BCAS1: variants seen among roughly 807,000 people sequenced by gnomAD.
The protein encoded by BCAS1 is breast carcinoma-amplified sequence 1.
In BCAS1, 46 loss-of-function variants were observed where a neutral mutation model predicts 65.4. That is an observed-to-expected ratio of 0.70 (90% CI 0.55 to 0.90). BCAS1 has a LOEUF of 0.90. Ranked by LOEUF, BCAS1 falls within the 40% of genes least tolerant of loss-of-function variation. The pLI is 0.00. For missense variants in BCAS1, 793 were observed against 771.2 expected (o/e 1.03, Z -0.33); for synonymous variants, 298 against 293.5 (o/e 1.02, Z -0.16).
intron 8 of BCAS1, 45 bp downstream of exon 8, chr20:53,985,242 C>A: frequency 6.3e-7 from 1 of 1,577,112 alleles, no homozygotes; most frequent in South Asian, 1.1e-5. Flanking sequence ...GTTCTGGAGT[C>A]ATCCCCGCCC....
chr20:53,989,376 T>C (rs1448660387), intron 7 of BCAS1, among the ~76,000 whole-genome samples: 1 of 152,242 alleles, frequency 6.6e-6, no homozygotes, highest in Non-Finnish European at 1.5e-5. Flanking sequence ...TAGTTGTTTG[T>C]TGAATATGTA....
At chr20:53,962,486 G>A (rs2089908296) in intron 10 of BCAS1, among the ~76,000 whole-genome samples, 1 of 152,170 alleles carries the variant, frequency 6.6e-6, no homozygotes, top group South Asian at 2.1e-4. Flanking sequence ...TCAAGTGTAA[G>A]GTGTTATTAA....
chr20:53,962,174 G>A (rs914630046), intron 10 of BCAS1, among the ~76,000 whole-genome samples: 1 of 152,024 alleles, frequency 6.6e-6, no homozygotes, highest in Non-Finnish European at 1.5e-5. Flanking sequence ...GAAGACTTTC[G>A]GTTTTCTGTT....
intron 10 of BCAS1, among the ~76,000 whole-genome samples, chr20:53,964,905 G>T (rs1339446289): frequency 6.9e-6 from 1 of 145,902 alleles, no homozygotes; most frequent in African/African-American, 2.5e-5. Context: ...TCTATTTACT[G>T]TTTTTTTTTT....
intron 4 of BCAS1, among the ~76,000 whole-genome samples, chr20:54,017,833 C>T (rs2091471741): frequency 6.6e-6 from 1 of 152,154 alleles, no homozygotes; most frequent in South Asian, 2.1e-4. Flanking sequence ...CAAGCACAAC[C>T]TTCCAGACTG....
chr20:53,945,177 A>C (rs1228720127), intron 12 of BCAS1, among the ~76,000 whole-genome samples, 181 bp from the exon 13 acceptor site: 1 of 152,198 alleles, frequency 6.6e-6, no homozygotes, highest in Non-Finnish European at 1.5e-5. Context: ...ACCCAGTTAC[A>C]TGACTTTCTA....
intron 9 of BCAS1, among the ~76,000 whole-genome samples, chr20:53,970,205 C>T (rs1323341132): frequency 1.3e-5 from 2 of 152,176 alleles, no homozygotes; most frequent in South Asian, 4.1e-4. Context: ...CTTGCTGAGC[C>T]TTTCCAAATG....
intron 3 of BCAS1, among the ~76,000 whole-genome samples, chr20:54,053,691 C>T (rs111292233): frequency 6.6e-5 from 10 of 152,260 alleles, no homozygotes; most frequent in African/African-American, 2.4e-4. Context: ...TTATTTAAAC[C>T]GTACAATAAC....
At chr20:54,032,947 C>G (rs1172921364) in intron 3 of BCAS1, among the ~76,000 whole-genome samples, 1 of 151,006 alleles carries the variant, frequency 6.6e-6, no homozygotes, top group Non-Finnish European at 1.5e-5. Flanking sequence ...TATTCAAGAT[C>G]TAACTCAGCA....
intron 10 of BCAS1, among the ~76,000 whole-genome samples, chr20:53,966,504 T>C (rs1332404139): frequency 1.3e-5 from 2 of 152,070 alleles, no homozygotes; most frequent in Non-Finnish European, 2.9e-5. Context: ...GGGTGAGGGA[T>C]AAAAGACTGC....
At chr20:53,996,223 C>G (rs901054188) in intron 4 of BCAS1, among the ~76,000 whole-genome samples, 173 bp from the exon 5 acceptor site, 5 of 152,160 alleles carry the variant, frequency 3.3e-5, no homozygotes, top group African/African-American at 4.8e-5. Flanking sequence ...TTCCCTCCCC[C>G]TCTTTCTAAC....
At chr20:53,973,585 T>C (rs2090240993) in intron 9 of BCAS1, among the ~76,000 whole-genome samples, 1 of 152,236 alleles carries the variant, frequency 6.6e-6, no homozygotes, top group Admixed American at 6.5e-5. Flanking sequence ...AAAAAGTTTT[T>C]CTTTAGAAAA....
chr20:53,954,334 AGG>A (rs1491299200), intron 11 of BCAS1, among the ~76,000 whole-genome samples: 5 of 139,870 alleles, frequency 3.6e-5, no homozygotes, highest in African/African-American at 1.1e-4. Flanking sequence ...AGAGAGAGAG[AGG>A]GACCAGGCAT....
intron 12 of BCAS1, among the ~76,000 whole-genome samples, chr20:53,953,103 A>G (rs79158080): frequency 6.6e-6 from 1 of 152,232 alleles, no homozygotes; most frequent in Non-Finnish European, 1.5e-5. Flanking sequence ...TTACTTCTAC[A>G]TGCTGATTGC....
intron 10 of BCAS1, among the ~76,000 whole-genome samples, chr20:53,962,277 T>A (rs749320759): frequency 6.6e-6 from 1 of 152,206 alleles, no homozygotes; most frequent in Non-Finnish European, 1.5e-5. Flanking sequence ...GTAATTAATT[T>A]AAAAAACCCT....
At chr20:54,067,809 A>G (rs1370248111) in intron 1 of BCAS1, among the ~76,000 whole-genome samples, 2 of 152,252 alleles carry the variant, frequency 1.3e-5, no homozygotes, top group African/African-American at 4.8e-5. Flanking sequence ...ATTAGTCACC[A>G]AGTAAACAAG....
chr20:54,068,347 C>T (rs2092470379), intron 1 of BCAS1: 1 of 154,360 alleles, frequency 6.5e-6, no homozygotes, highest in Non-Finnish European at 1.5e-5. Flanking sequence ...GCATGATAAT[C>T]GCAGGTAATT....
Position 53,953,648 on chromosome 20 carries a change from T to C in BCAS1, c.1599A>G (p.Pro533=). Residue 533 remains proline, a synonymous_variant, in exon 12 of 13, where the codon CCA becomes CCG. Coordinates refer to ENST00000688948, the MANE Select transcript of BCAS1 (RefSeq NM_001366298.2). The part of the protein sequence containing the change: ...EKTITPPEPE[P]TGAPQKGKEG... ...CTTTACCCTTCTGTGGTGCTCCTGT[T>C]GGTTCAGGCTCTGGCGGTGTGATAG... 1 of 1,613,990 alleles carries C rather than the reference T, an allele frequency of 6.2e-7. No homozygotes were observed. Among genetic ancestry groups the C allele is most frequent in the Non-Finnish European group, 8.5e-7 (1 of 1,179,998 alleles).
chr20:54,062,637 T>A (rs962472639), intron 1 of BCAS1, among the ~76,000 whole-genome samples: 1 of 152,208 alleles, frequency 6.6e-6, no homozygotes, highest in Admixed American at 6.5e-5. Flanking sequence ...TGAAAAACCT[T>A]GGTGCTGGAA....
Sources: gnomAD v4.1 joint callset for allele counts (sites outside exome capture counted in the v4.1 genomes callset) on GRCh38, gnomAD v4.1.1 for gene constraint, MANE v1.5 for transcripts, NCBI Gene and HGNC (gene_info 2026-07-23, HGNC 2026-07-21) for gene names.